The following PTK2B variants were observed in gnomAD, a reference collection of about 807,000 sequenced individuals.
The protein encoded by PTK2B is protein-tyrosine kinase 2-beta.
In PTK2B, 71 loss-of-function variants were observed where a neutral mutation model predicts 142.9. That is an observed-to-expected ratio of 0.50 (90% confidence interval 0.41 to 0.61). PTK2B has a LOEUF of 0.61. Among genes scored for constraint, PTK2B ranks in the 20% least tolerant of loss-of-function variants. The probability of loss-of-function intolerance (pLI) is 0.00; values close to 1 mark genes in which losing one functional copy is unlikely to be tolerated. For synonymous variants in PTK2B, 519 were observed against 503.4 expected, an observed-to-expected ratio of 1.03 and a Z score of -0.42; for missense variants, 1,105 against 1,320.4, an observed-to-expected ratio of 0.84 and a Z score of 2.53.
At chr8:27,422,493 GA>G (rs1809824875) in intron 5 of PTK2B, 110 bp downstream of exon 5, 2 of 1,042,390 alleles carry the variant, frequency 1.9e-6, no homozygotes, top group East Asian at 5.9e-5. Context: ...TGGGAGCCAG[GA>G]AGGGGAGAGG....
chr8:27,310,513 G>A (rs13253058), upstream of PTK2B, among the ~76,000 whole-genome samples: 52,585 of 152,286 alleles, frequency 0.35, 10,822 homozygotes, highest in Non-Finnish European at 0.46. Context: ...GGCACAAGGG[G>A]TGCATGGCCT....
At chr8:27,326,219 C>CGTGT (rs1378338817) in intron 1 of PTK2B, among the ~76,000 whole-genome samples, 41 of 126,006 alleles carry the variant, frequency 3.3e-4, no homozygotes, top group Non-Finnish European at 5.2e-4. Flanking sequence ...CAGGGGAGCT[C>CGTGT]GTGTGTATGT....
At chr8:27,328,087 GT>G (rs1164264103) in intron 1 of PTK2B, among the ~76,000 whole-genome samples, 3 of 152,186 alleles carry the variant, frequency 2.0e-5, no homozygotes, top group African/African-American at 7.2e-5. Context: ...TCTGCATTAT[GT>G]TTTTAGCTTT....
Position 27,430,982 on chromosome 8 carries a change from A to G in PTK2B, c.776A>G (p.Asn259Ser), listed in dbSNP as rs558405489. 18 of 1,614,176 alleles carry G rather than the reference A, an allele frequency of 1.1e-5. No individual in the cohort carries two copies. Among genetic ancestry groups the G allele is most frequent in the East Asian group, 8.9e-5 (4 of 44,878 alleles). Residue 259 changes from asparagine to serine, a missense_variant, in exon 8 of 31, where the codon AAC becomes AGC. Transcript: ENST00000346049. The stretch of plus-strand genomic sequence containing the variant: ...TTCAACACTCTCGCCGGCTTCGCCA[A>G]CATCGACCAGGAGACCTACCGCTGT... ...KFFNTLAGFA[N>S]IDQETYRCEL...
At chr8:27,431,551 C>A in intron 9 of PTK2B, 79 bp downstream of exon 9, 1 of 1,552,684 alleles carries the variant, frequency 6.4e-7, no homozygotes, top group Non-Finnish European at 8.8e-7. Context: ...CCCTGTCTGC[C>A]CCTTCAGTTC....
intron 7 of PTK2B, 24 bp from the exon 8 acceptor site, chr8:27,430,852 C>T: frequency 1.2e-6 from 2 of 1,610,130 alleles, no homozygotes; most frequent in Non-Finnish European, 1.7e-6. Context: ...AGGCATTGCT[C>T]ACACGGCCCA....
intron 20 of PTK2B, 131 bp downstream of exon 20, chr8:27,439,529 C>T: frequency 1.9e-6 from 2 of 1,030,708 alleles, no homozygotes; most frequent in Admixed American, 2.1e-5. Context: ...TTGCTGTGGC[C>T]ACTGAGAAGT....
intron 1 of PTK2B, among the ~76,000 whole-genome samples, chr8:27,353,486 C>T (rs1805216999): frequency 6.6e-6 from 1 of 152,202 alleles, no homozygotes; most frequent in East Asian, 1.9e-4. Context: ...TAACTATGCC[C>T]TCACACGCTG....
At chr8:27,329,673 G>A (rs987129592) in intron 1 of PTK2B, among the ~76,000 whole-genome samples, 5 of 152,090 alleles carry the variant, frequency 3.3e-5, no homozygotes, top group Admixed American at 3.3e-4. Context: ...GAGTTTCCTT[G>A]TAGAGTACGG....
Position 27,397,207 on chromosome 8 carries a change from C to T in PTK2B, c.-37-341C>T, listed in dbSNP as rs191315642. On this transcript the variant is annotated intron_variant, in intron 1 of 30. Coordinates refer to ENST00000346049, the MANE Select transcript of PTK2B (RefSeq NM_173176.3). ...CTGTGCCTTGGAACCAAGCTGTGAC[C>T]GCCTTCTCTCACAGCTGCCTTTGCT... Among the ~76,000 whole-genome samples, 221 of 152,294 alleles carry T rather than the reference C, an allele frequency of 1.5e-3. 1 individual carries two copies. The highest frequency in any genetic ancestry group is 4.8e-3 in the African/African-American group (199 of 41,564).
At chr8:27,328,721 G>C (rs937520145) in intron 1 of PTK2B, among the ~76,000 whole-genome samples, 8 of 152,142 alleles carry the variant, frequency 5.3e-5, no homozygotes, top group Admixed American at 5.2e-4. Flanking sequence ...AAAAAGACAC[G>C]TGTCATTCCC....
At chr8:27,418,292 T>C (rs1809526458) in intron 2 of PTK2B, among the ~76,000 whole-genome samples, 1 of 152,200 alleles carries the variant, frequency 6.6e-6, no homozygotes, top group African/African-American at 2.4e-5. Context: ...CCGAGACAGA[T>C]GGGTGCCCAG....
In PTK2B at chr8:27,451,503, G is replaced by A. The variant is rs763599035; in HGVS notation, c.2542G>A (p.Gly848Ser). The A allele has an allele frequency of 4.3e-6, 7 of 1,614,158 alleles. No individual in the cohort carries two copies. Among genetic ancestry groups the A allele is most frequent in the South Asian group, 1.1e-5 (1 of 91,070 alleles). ...KSPLTPEKEVGYLEFTGPPQK... is the reference protein window; with the variant it reads ...KSPLTPEKEVSYLEFTGPPQK... Reference sequence around the variant, plus strand: ...CCTCCAGACGCCAGAGAAGGAGGTCGGCTACCGTGAGTGTTCCCGCCCTTC... The same window carrying A: ...CCTCCAGACGCCAGAGAAGGAGGTCAGCTACCGTGAGTGTTCCCGCCCTTC... Residue 848 changes from glycine to serine, a missense_variant, in exon 27 of 31, where the codon GGC becomes AGC. Physicochemically the swap from Gly to Ser is moderately conservative, Grantham distance 56. Coordinates refer to ENST00000346049, the MANE Select transcript of PTK2B (RefSeq NM_173176.3).
At chr8:27,338,187 A>C (rs1321817437) in intron 1 of PTK2B, among the ~76,000 whole-genome samples, 1 of 151,858 alleles carries the variant, frequency 6.6e-6, no homozygotes, top group Non-Finnish European at 1.5e-5. Context: ...ATGTCTGTTC[A>C]AATCCTTTAC....
At chr8:27,338,389 G>A (rs1804202846) in intron 1 of PTK2B, among the ~76,000 whole-genome samples, 1 of 151,918 alleles carries the variant, frequency 6.6e-6, no homozygotes, top group Non-Finnish European at 1.5e-5. Context: ...TGGGGGAATC[G>A]AGGGAAAGGG....
chr8:27,397,825 C>T, intron 2 of PTK2B, 37 bp downstream of exon 2: 3 of 1,604,876 alleles, frequency 1.9e-6, no homozygotes, highest in African/African-American at 1.3e-5. Context: ...ATCTGTCTGT[C>T]CCTCTGTCTT....
At chr8:27,311,563 C>T (rs1019986005) in exon 1 of PTK2B, 7 of 381,448 alleles carry the variant, frequency 1.8e-5, no homozygotes, top group Admixed American at 4.6e-5. Context: ...AGTAGGGCTT[C>T]CGTGTTACTG....
At chr8:27,454,021 C>A in intron 28 of PTK2B, 133 bp from the exon 29 acceptor site, 1 of 1,298,050 alleles carries the variant, frequency 7.7e-7, no homozygotes, top group East Asian at 2.3e-5. Context: ...GGACAGGGCA[C>A]AATTATTCTA....
At chr8:27,336,104 C>T (rs1229047829) in intron 1 of PTK2B, among the ~76,000 whole-genome samples, 3 of 152,044 alleles carry the variant, frequency 2.0e-5, no homozygotes, top group South Asian at 2.1e-4. Flanking sequence ...ATGTCAAAGT[C>T]GTAAGTCCAG....
Sources: gnomAD v4.1 joint callset for allele counts (sites outside exome capture counted in the v4.1 genomes callset) on GRCh38, gnomAD v4.1.1 for gene constraint, MANE v1.5 for transcripts, NCBI Gene and HGNC (gene_info 2026-07-23, HGNC 2026-07-21) for gene names.